MESP1: variants seen among roughly 807,000 people sequenced by gnomAD.
The protein encoded by MESP1 is mesoderm posterior protein 1.
Under a neutral mutation model 15.2 loss-of-function variants are expected in MESP1, and 22 were observed. The ratio of observed to expected loss-of-function variants is 1.45; its 90% CI spans 1.04 to 2.07. MESP1 has a LOEUF of 2.07. Ranked by LOEUF, MESP1 falls within the 30% of genes most tolerant of loss-of-function variation. The pLI is 0.00. For synonymous variants in MESP1, 216 were observed against 192.6 expected (o/e 1.12, Z -1.01); for missense variants, 484 against 411.9 (o/e 1.17, Z -1.51).
At chr15:89,739,257 G>A in the MESP1 span, among the ~76,000 whole-genome samples, 2 of 152,158 alleles carry the variant, frequency 1.3e-5, no homozygotes, top group Non-Finnish European at 2.9e-5. Context: ...GTGCCCATTT[G>A]TTTATGTATT....
the MESP1 span, among the ~76,000 whole-genome samples, chr15:89,742,763 C>T: frequency 6.6e-6 from 1 of 152,064 alleles, no homozygotes; most frequent in African/African-American, 2.4e-5. Flanking sequence ...AAACTCCCAA[C>T]CTCAGGTGAT....
chr15:89,741,058 T>C, the MESP1 span, among the ~76,000 whole-genome samples: 8 of 152,060 alleles, frequency 5.3e-5, no homozygotes, highest in African/African-American at 1.9e-4. Flanking sequence ...GAGAATTGCT[T>C]GAACTCAGGA....
chr15:89,738,031 C>G, the MESP1 span: 31 of 1,597,906 alleles, frequency 1.9e-5, no homozygotes, highest in Non-Finnish European at 2.6e-5. Context: ...GTGTTCTTGT[C>G]TCGTCACAGG....
At chr15:89,746,354 C>G (rs536868313), downstream of MESP1, among the ~76,000 whole-genome samples, 3 of 145,038 alleles carry the variant, frequency 2.1e-5, no homozygotes, top group Admixed American at 6.7e-5. Context: ...CACACATCCA[C>G]ACATCCACAC....
At chr15:89,732,728 G>A in the MESP1 span, among the ~76,000 whole-genome samples, 1 of 152,030 alleles carries the variant, frequency 6.6e-6, no homozygotes, top group African/African-American at 2.4e-5. Context: ...TGGCTGGGTT[G>A]TAGCTTCCTT....
Position 89,749,964 on chromosome 15 carries a change from T to A in MESP1, c.*180A>T. 1.6e-6 allele frequency: 1 copy of A among 639,208 alleles called. No homozygotes were observed. Among genetic ancestry groups the A allele is most frequent in the South Asian group, 1.7e-5 (1 of 57,330 alleles). The allele number at this position is 639,208 out of a possible 1,614,324, so 39.6% of individuals were successfully genotyped here. ...CAAAGTGTCTAGCCCTATGGGTCCCTCCATGGAGGGAGGGGCTGAGAAGGG... is the reference window on the plus strand; with the variant it reads ...CAAAGTGTCTAGCCCTATGGGTCCCACCATGGAGGGAGGGGCTGAGAAGGG... On this transcript the variant is annotated 3_prime_UTR_variant, in exon 2 of 2. Coordinates refer to ENST00000300057, the MANE Select transcript of MESP1 (RefSeq NM_018670.4).
chr15:89,735,622 G>C, the MESP1 span: 20 of 1,514,194 alleles, frequency 1.3e-5, no homozygotes, highest in South Asian at 1.7e-4. Context: ...GTGTTCATCT[G>C]TCCTTTAGAA....
chr15:89,750,287 G>T (rs1330127514), intron 1 of MESP1, 60 bp from the exon 2 acceptor site: 1 of 1,596,318 alleles, frequency 6.3e-7, no homozygotes, highest in Non-Finnish European at 8.6e-7. Flanking sequence ...GCGGGTGTCC[G>T]CGCTCGTGGG....
rs758411181 is a variant in MESP1 at position 89,751,168 on chromosome 15, T to C, written c.64A>G (p.Thr22Ala). Residue 22 changes from threonine (T) to alanine (A), a missense_variant, in exon 1 of 2, where the codon ACT (threonine) becomes GCT (alanine). Physicochemically the swap from Thr to Ala is moderately conservative, Grantham distance 58. Coordinates refer to ENST00000300057, the MANE Select transcript of MESP1 (RefSeq NM_018670.4). The part of the protein sequence containing the change: ...SWMLSAAWGP[T>A]RRPPPSDKDC... The stretch of plus-strand genomic sequence containing the variant: ...TTGTCGGAGGGCGGCGGCCGCCGAG[T>C]TGGGCCCCAGGCCGCAGAGAGCATC... 24 of 1,271,158 alleles carry C rather than the reference T, an allele frequency of 1.9e-5. No individual in the cohort carries two copies. The highest frequency in any genetic ancestry group is 2.4e-5 in the Non-Finnish European group (24 of 1,011,194). 78.7% of individuals were successfully genotyped at this position (1,271,158 alleles called of 1,614,324 possible).
chr15:89,750,189 C>G lies in MESP1; in HGVS notation c.762G>C (p.Trp254Cys), dbSNP rs1466739853. The G allele has an allele frequency of 6.2e-7, 1 of 1,614,080 alleles. No individual in the cohort carries two copies. Among genetic ancestry groups the G allele is most frequent in the Non-Finnish European group, 8.5e-7 (1 of 1,180,014 alleles). The change falls in exon 2 of 2, where the codon TGG becomes TGC. Residue 254 changes from tryptophan (W) to cysteine (C), a missense_variant. Coordinates refer to ENST00000300057, the MANE Select transcript of MESP1 (RefSeq NM_018670.4). ...PGDVLALLET[W>C]MPLSPLEWLP... ...GCCACTCCAGAGGCGAGAGGGGCAT[C>G]CAGGTCTCCAACAGAGCCAGCACGT... is the stretch of plus-strand genomic sequence containing the variant.
At chr15:89,740,930 A>G in the MESP1 span, among the ~76,000 whole-genome samples, 3 of 152,190 alleles carry the variant, frequency 2.0e-5, no homozygotes, top group East Asian at 5.8e-4. Context: ...ACCTAAGGCC[A>G]GGCGTTCGAG....
the MESP1 span, chr15:89,733,014 C>G: frequency 1.9e-6 from 3 of 1,614,162 alleles, no homozygotes; most frequent in Non-Finnish European, 8.5e-7. Context: ...AGGATTCCCT[C>G]TTGGGGTCGC....
At chr15:89,736,847 A>G in the MESP1 span, among the ~76,000 whole-genome samples, 2 of 148,126 alleles carry the variant, frequency 1.4e-5, no homozygotes, top group African/African-American at 5.0e-5. Context: ...GCTGGAGTGC[A>G]GTGGTGCAAT....
chr15:89,737,872 C>G, the MESP1 span: 1 of 1,360,478 alleles, frequency 7.4e-7, no homozygotes, highest in Non-Finnish European at 1.0e-6. Flanking sequence ...TCAGTCCTCA[C>G]AGGGCACTTA....
chr15:89,748,908 A>G (rs1265460280), downstream of MESP1: 1 of 152,220 alleles, frequency 6.6e-6, no homozygotes, highest in Admixed American at 6.5e-5. Context: ...TTGTATCCTA[A>G]TAAAGCTCTT....
At chr15:89,736,896 A>G in the MESP1 span, among the ~76,000 whole-genome samples, 1 of 149,906 alleles carries the variant, frequency 6.7e-6, no homozygotes, top group Non-Finnish European at 1.5e-5. Context: ...GGTTCACACC[A>G]TTCTCCTGCC....
At chr15:89,735,656 G>A in the MESP1 span, 70 of 1,219,736 alleles carry the variant, frequency 5.7e-5, 2 homozygotes, top group South Asian at 8.5e-4. Context: ...GGCCTGTTAT[G>A]TGTTAGGCAC....
chr15:89,743,830 C>T, the MESP1 span, among the ~76,000 whole-genome samples: 1 of 152,200 alleles, frequency 6.6e-6, no homozygotes, highest in Non-Finnish European at 1.5e-5. Context: ...CTCCCTCCCA[C>T]GGCTGGCTCA....
Position 89,750,170 on chromosome 15 carries a change from C to A in MESP1, c.781G>T (p.Glu261Ter). ...LETWMPLSPL[E>*]WLPEEPK ...CACTTGGGCTCCTCAGGCAGCCACT[C>A]CAGAGGCGAGAGGGGCATCCAGGTC... is the stretch of plus-strand genomic sequence containing the variant. Residue 261 changes from glutamate (E) to a stop codon, truncating the protein, a stop_gained, in exon 2 of 2, where the codon GAG (glutamate) becomes TAG (stop). Transcript: ENST00000300057. LOFTEE classifies it high-confidence loss of function. 2 of 1,614,072 alleles carry A rather than the reference C, an allele frequency of 1.2e-6. No homozygotes were observed. The highest frequency in any genetic ancestry group is 1.7e-6 in the Non-Finnish European group (2 of 1,180,010).
Sources: gnomAD v4.1 joint callset for allele counts (sites outside exome capture counted in the v4.1 genomes callset) on GRCh38, gnomAD v4.1.1 for gene constraint, MANE v1.5 for transcripts, NCBI Gene and HGNC (gene_info 2026-07-23, HGNC 2026-07-21) for gene names.